Variants in TBC1D1 observed in about 807,000 individuals in gnomAD.
TBC1D1 encodes the protein TBC1 (tre-2/USP6, BUB2, cdc16) domain family, member 1.
A neutral mutation model predicts 125.6 loss-of-function variants in TBC1D1; 89 were observed. The observed-to-expected ratio is 0.71, with a 90% confidence interval of 0.60 to 0.85. The LOEUF (loss-of-function observed/expected upper bound fraction) is 0.85. TBC1D1 is among the 40% of genes least tolerant of loss of function. The pLI is 0.00. For missense variants in TBC1D1, 1,377 were observed against 1,469.2 expected (o/e 0.94, Z 1.03); for synonymous variants, 565 against 564.1 (o/e 1.00, Z -0.02).
chr4:37,911,512 G>A (rs983371113), intron 2 of TBC1D1, among the ~76,000 whole-genome samples: 1 of 152,106 alleles, frequency 6.6e-6, no homozygotes, highest in African/African-American at 2.4e-5. Context: ...CTTGAGTGTG[G>A]TTGCTGATGT....
intron 12 of TBC1D1, among the ~76,000 whole-genome samples, chr4:38,058,222 C>T (rs1752104024): frequency 6.6e-6 from 1 of 152,196 alleles, no homozygotes; most frequent in East Asian, 1.9e-4. Context: ...GCATCTTTGT[C>T]CTCTGCCACT....
At chr4:37,896,678 C>A (rs1186735690) in intron 1 of TBC1D1, among the ~76,000 whole-genome samples, 3 of 151,574 alleles carry the variant, frequency 2.0e-5, no homozygotes, top group African/African-American at 7.3e-5. Context: ...GGGTTCTCTG[C>A]AGCACTTGGA....
At position 38,014,008 on chromosome 4, in the gene TBC1D1, T is replaced by A. The variant is rs1034952344; in HGVS notation, c.418-501T>A. Among the ~76,000 whole-genome samples the A allele has an allele frequency of 1.3e-5, 2 of 152,238 alleles. No homozygotes were observed. Among genetic ancestry groups the A allele is most frequent in the Non-Finnish European group, 1.5e-5 (1 of 68,040 alleles). Reference sequence around the variant, plus strand: ...GATAATTTCAGAGCCTTTGTCTTCTTCATCCCACCATTTATTAAAGAAGAC... The same window carrying A: ...GATAATTTCAGAGCCTTTGTCTTCTACATCCCACCATTTATTAAAGAAGAC... On this transcript the variant is annotated intron_variant, in intron 2 of 19. Transcript: ENST00000261439. This position sits in a 1 kb window ranked among gnomAD's most constrained non-coding sequence, Gnocchi z 5.1.
chr4:38,110,390 T>C (rs1386825813), intron 15 of TBC1D1: 1 of 985,298 alleles, frequency 1.0e-6, no homozygotes, highest in African/African-American at 1.7e-5. Context: ...ATAGGATTCC[T>C]GCCTGAAAAT....
chr4:37,955,390 C>A (rs1246096555), intron 2 of TBC1D1, among the ~76,000 whole-genome samples: 1 of 152,166 alleles, frequency 6.6e-6, no homozygotes, highest in Non-Finnish European at 1.5e-5. Context: ...TACCAAAATC[C>A]ATGGATGCTC....
At chr4:37,954,609 G>C (rs1435655693) in intron 2 of TBC1D1, among the ~76,000 whole-genome samples, 8 of 152,294 alleles carry the variant, frequency 5.3e-5, no homozygotes, top group South Asian at 2.1e-4. Context: ...AATGGACGGA[G>C]ACCAGTGAGG....
At chr4:38,102,924 G>A in intron 14 of TBC1D1, 75 bp from the exon 17 acceptor site, 3 of 1,306,260 alleles carry the variant, frequency 2.3e-6, no homozygotes, top group South Asian at 1.5e-5. Flanking sequence ...AATGGAACAT[G>A]AAACACAATT....
At chr4:37,967,053 C>T (rs1731208110) in intron 2 of TBC1D1, among the ~76,000 whole-genome samples, 1 of 152,060 alleles carries the variant, frequency 6.6e-6, no homozygotes, top group Non-Finnish European at 1.5e-5. Flanking sequence ...GTTTGTGGCA[C>T]CATTTTTTTT....
chr4:37,955,234 C>T (rs1373892113), intron 2 of TBC1D1, among the ~76,000 whole-genome samples: 2 of 152,100 alleles, frequency 1.3e-5, no homozygotes, highest in African/African-American at 4.8e-5. Flanking sequence ...ACTTCTGGAG[C>T]ATGTATCTCT....
chr4:37,978,515 CTTATT>C (rs1733713346), intron 2 of TBC1D1, among the ~76,000 whole-genome samples: 2 of 152,122 alleles, frequency 1.3e-5, no homozygotes, highest in South Asian at 4.1e-4. Context: ...CTTTTATAGT[CTTATT>C]TAATTACATT....
chr4:38,049,832 C>T lies in TBC1D1; in HGVS notation c.1844C>T (p.Pro615Leu), dbSNP rs779472976. The change falls in exon 11 of 20, where the codon CCG (proline) becomes CTG (leucine). Residue 615 changes from proline (P) to leucine (L), a missense_variant. By Grantham distance (98) the Pro-to-Leu change is moderately conservative. Around this residue, in one of 3 missense-constraint regions of TBC1D1, gnomAD observed 822 missense variants for 824.6 expected, o/e 1.00. Transcript: ENST00000261439. ...CCTCCACAACCTGCCCGGGGGTCCC[C>T]GGGGGTTTCGCAAAGGAAACTTATG... The T allele has an allele frequency of 1.7e-5, 27 of 1,613,952 alleles. No homozygotes were observed. The highest frequency in any genetic ancestry group is 4.5e-5 in the East Asian group (2 of 44,868).
intron 15 of TBC1D1, among the ~76,000 whole-genome samples, chr4:38,114,517 G>A (rs1198983429): frequency 1.3e-5 from 2 of 152,168 alleles, no homozygotes; most frequent in East Asian, 1.9e-4. Context: ...TTTTGCCTTC[G>A]CTGATCCAAG....
intron 13 of TBC1D1, 61 bp from the exon 16 acceptor site, chr4:38,095,868 G>A (rs749157621): frequency 3.0e-5 from 46 of 1,508,914 alleles, no homozygotes; most frequent in Non-Finnish European, 3.8e-5. Context: ...CAGCCATGTT[G>A]TGTAATGGAA....
rs746714889 is a variant in TBC1D1, at chr4:38,118,141, C to G, written c.2911C>G (p.Leu971Val). The G allele has an allele frequency of 1.2e-6, 2 of 1,614,218 alleles. No individual in the cohort carries two copies. The highest frequency in any genetic ancestry group is 3.3e-5 in the Admixed American group (2 of 60,024). ...CAGCCTCTACGCTGCCCCCTGGTTCCTCACCATGTTTGCCTCACAGTTCCC... is the reference window on the plus strand; with the variant it reads ...CAGCCTCTACGCTGCCCCCTGGTTCGTCACCATGTTTGCCTCACAGTTCCC... Residue 971 changes from leucine (L) to valine (V), a missense_variant, in exon 17 of 20, where the codon CTC (leucine) becomes GTC (valine). Around this residue, in one of 3 missense-constraint regions of TBC1D1, gnomAD observed 543 missense variants for 613.5 expected, o/e 0.89. Coordinates refer to ENST00000261439, the MANE Select transcript of TBC1D1 (RefSeq NM_015173.4).
intron 2 of TBC1D1, among the ~76,000 whole-genome samples, chr4:37,906,715 C>CA (rs1038405367): frequency 6.6e-6 from 1 of 152,060 alleles, no homozygotes; most frequent in Non-Finnish European, 1.5e-5. Flanking sequence ...TATTTGGTGC[C>CA]AAAAAATGGA....
intron 12 of TBC1D1, among the ~76,000 whole-genome samples, chr4:38,078,064 C>T (rs560061497): frequency 5.3e-5 from 8 of 152,240 alleles, no homozygotes; most frequent in Admixed American, 3.9e-4. Context: ...TGAAAGGTGC[C>T]GCACAGCAGC....
chr4:38,119,175 T>C (rs1488656453), intron 17 of TBC1D1, among the ~76,000 whole-genome samples: 1 of 152,194 alleles, frequency 6.6e-6, no homozygotes. Flanking sequence ...TTAGAGAGCA[T>C]CTTAAGGGAA....
chr4:38,008,128 T>C (rs1052779118), intron 2 of TBC1D1, among the ~76,000 whole-genome samples: 3 of 152,250 alleles, frequency 2.0e-5, no homozygotes, highest in Non-Finnish European at 2.9e-5. Context: ...TGAGGACTTA[T>C]ATTCTCATCC....
At chr4:37,997,175 A>G (rs1347926363) in intron 2 of TBC1D1, among the ~76,000 whole-genome samples, 1 of 152,270 alleles carries the variant, frequency 6.6e-6, no homozygotes, top group Non-Finnish European at 1.5e-5. Context: ...AGCTTGAACC[A>G]TTAGCTTCAC....
Sources: gnomAD v4.1 joint callset for allele counts (sites outside exome capture counted in the v4.1 genomes callset) on GRCh38, gnomAD v4.1.1 for gene constraint, gnomAD v4.1.1 regional missense constraint, Gnocchi (gnomAD v3.1) non-coding constraint, MANE v1.5 for transcripts, NCBI Gene and HGNC (gene_info 2026-07-23, HGNC 2026-07-21) for gene names.